The following FILIP1 variants were observed in gnomAD, a reference collection of about 807,000 sequenced individuals.
The protein encoded by FILIP1 is filamin-A-interacting protein 1.
FILIP1 carries 61 observed loss-of-function variants against 102.1 expected under a neutral mutation model. The observed-to-expected ratio is 0.60, with a 90% CI of 0.49 to 0.74. The LOEUF (loss-of-function observed/expected upper bound fraction) is 0.74, where lower values mean the gene tolerates loss of function less well. Ranked by LOEUF, FILIP1 falls within the 30% of genes least tolerant of loss-of-function variation. The pLI, the probability that FILIP1 is intolerant of heterozygous loss-of-function variation, is 0.00. For missense variants in FILIP1, 1,314 were observed against 1,441.2 expected (o/e 0.91, Z 1.43); for synonymous variants, 491 against 526.9 (o/e 0.93, Z 0.93).
intron 1 of FILIP1, among the ~76,000 whole-genome samples, chr6:75,484,516 C>A (rs1003189788): frequency 2.2e-4 from 33 of 152,204 alleles, no homozygotes; most frequent in African/African-American, 7.0e-4. Context: ...ATATTGGATG[C>A]GAATTAAAAT....
chr6:75,339,815 G>C (rs1402014099), intron 4 of FILIP1, among the ~76,000 whole-genome samples: 1 of 152,088 alleles, frequency 6.6e-6, no homozygotes, highest in South Asian at 2.1e-4. Flanking sequence ...AGGCACGGTG[G>C]TGGGCACCTG....
At chr6:75,433,787 G>C (rs1052055060) in intron 1 of FILIP1, among the ~76,000 whole-genome samples, 3 of 152,200 alleles carry the variant, frequency 2.0e-5, no homozygotes, top group Admixed American at 6.5e-5. Context: ...GAATGGTATT[G>C]CCTAGGTTTT....
rs1773553435 is a variant in FILIP1 at position 75,319,202 on chromosome 6, G to C, written c.630-4000C>G. ...TGATATGCAGCAATATCCTTTTCTT[G>C]TTTTTCCTTCAGCTTCGCAGCCTTC... On this transcript the variant is annotated intron_variant, in intron 4 of 5. Transcript: ENST00000237172. 3 of 759,236 alleles carry C rather than the reference G, an allele frequency of 4.0e-6. No individual in the cohort carries two copies. In the South Asian group the frequency reaches 4.1e-5, roughly 10 times the overall value. The allele number at this position is 759,236 out of a possible 1,614,324, so 47.0% of individuals were successfully genotyped here. A position where few individuals can be genotyped will look rare whatever the true frequency, so the allele number is the denominator to read the frequency against.
chr6:75,320,112 T>A (rs1773598985), intron 4 of FILIP1: 2 of 186,356 alleles, frequency 1.1e-5, no homozygotes, highest in Non-Finnish European at 2.2e-5. Context: ...AATGTCTGCC[T>A]ACCTCTGTTA....
chr6:75,419,299 T>A (rs1189974391), intron 1 of FILIP1, among the ~76,000 whole-genome samples: 2 of 152,130 alleles, frequency 1.3e-5, no homozygotes, highest in East Asian at 1.9e-4. Flanking sequence ...GTCAAAATAC[T>A]CCCCATCCCA....
intron 1 of FILIP1, among the ~76,000 whole-genome samples, chr6:75,445,137 A>C (rs1778404004): frequency 6.6e-6 from 1 of 152,078 alleles, no homozygotes; most frequent in African/African-American, 2.4e-5. Flanking sequence ...CTCTACCCTA[A>C]GTGCAGCCCC....
At chr6:75,481,296 T>C (rs1779644967) in intron 1 of FILIP1, among the ~76,000 whole-genome samples, 1 of 152,048 alleles carries the variant, frequency 6.6e-6, no homozygotes, top group Non-Finnish European at 1.5e-5. Flanking sequence ...GAAACACGAG[T>C]CTCAAAAAAT....
chr6:75,357,926 G>T (rs1198490372), intron 3 of FILIP1, among the ~76,000 whole-genome samples: 1 of 152,168 alleles, frequency 6.6e-6, no homozygotes, highest in Non-Finnish European at 1.5e-5. Context: ...ATGGCTTTTG[G>T]TTTTCAGGAT....
intron 4 of FILIP1, among the ~76,000 whole-genome samples, chr6:75,342,026 T>C (rs1774435671): frequency 6.6e-6 from 1 of 152,222 alleles, no homozygotes; most frequent in Non-Finnish European, 1.5e-5. Flanking sequence ...GATAGGTACT[T>C]GGTTATCTCC....
intron 1 of FILIP1, among the ~76,000 whole-genome samples, chr6:75,468,737 C>T (rs1490611661): frequency 1.3e-5 from 2 of 152,038 alleles, no homozygotes; most frequent in Admixed American, 1.3e-4. Flanking sequence ...ATTTAAGGTC[C>T]AACCAAGTTC....
chr6:75,362,802 G>C lies in FILIP1; in HGVS notation c.392C>G (p.Ala131Gly). 6.2e-7 allele frequency: 1 copy of C among 1,613,816 alleles called. No individual in the cohort carries two copies. Among genetic ancestry groups the C allele is most frequent in the Non-Finnish European group, 8.5e-7 (1 of 1,180,020 alleles). The change falls in exon 3 of 6, where the codon GCC (alanine) becomes GGC (glycine). Residue 131 changes from alanine (A) to glycine (G), a missense_variant. By Grantham distance (60) the Ala-to-Gly change is moderately conservative. Around this residue, in one of 3 missense-constraint regions of FILIP1, gnomAD observed 494 missense variants for 511.2 expected, o/e 0.97. Coordinates refer to ENST00000237172, the MANE Select transcript of FILIP1 (RefSeq NM_015687.5). The part of the protein sequence containing the change: ...EKVLRVLHRD[A>G]ILAQEKSIGE... Reference sequence around the variant, plus strand: ...TATGGATTTCTCCTGGGCAAGAATGGCATCTCGGTGCAGGACCCGCAGCAC... The same window carrying C: ...TATGGATTTCTCCTGGGCAAGAATGCCATCTCGGTGCAGGACCCGCAGCAC...
intron 5 of FILIP1, among the ~76,000 whole-genome samples, chr6:75,310,554 C>T (rs1335957768): frequency 6.6e-6 from 1 of 152,176 alleles, no homozygotes; most frequent in Non-Finnish European, 1.5e-5. Context: ...AAATCTTAGA[C>T]AGTTGCTTTG....
At position 75,370,085 on chromosome 6, in the gene FILIP1, C is replaced by T. The variant is rs7772125; in HGVS notation, c.277-7168G>A. ...ATGCTTATGGAAGAATGACACAGTT[C>T]CCAAGCACTATCGCTTCTTTGTATT... On this transcript the variant is annotated intron_variant, in intron 2 of 5. Transcript: ENST00000237172. Among the ~76,000 whole-genome samples, 1,100 of 152,320 alleles carry T rather than the reference C, an allele frequency of 7.2e-3. 11 individuals are homozygous for T. Among genetic ancestry groups the T allele is most frequent in the African/African-American group, 0.026 (1,060 of 41,568 alleles).
intron 2 of FILIP1, among the ~76,000 whole-genome samples, chr6:75,403,242 A>T (rs1776715861): frequency 6.6e-6 from 1 of 152,070 alleles, no homozygotes; most frequent in African/African-American, 2.4e-5. Context: ...GGCCAAGTGT[A>T]GTTGTTCATG....
intron 3 of FILIP1, among the ~76,000 whole-genome samples, chr6:75,355,087 G>A (rs576231393): frequency 2.6e-4 from 40 of 152,232 alleles, no homozygotes; most frequent in Non-Finnish European, 5.0e-4. Context: ...TTGAGGTTAG[G>A]AGTTCGAGAC....
intron 2 of FILIP1, chr6:75,386,224 G>A (rs1776091545): frequency 6.6e-6 from 1 of 152,196 alleles, no homozygotes; most frequent in Non-Finnish European, 1.5e-5. Context: ...TCATCTCCAA[G>A]CAAGTGGTCA....
chr6:75,293,322 A>G, exon 7 of FILIP1: 1 of 152,192 alleles, frequency 6.6e-6, no homozygotes, highest in Admixed American at 6.5e-5. Context: ...ATTGCCTGTG[A>G]GGGCAGTTTT....
intron 4 of FILIP1, among the ~76,000 whole-genome samples, chr6:75,352,174 C>T (rs1199774443): frequency 6.6e-6 from 1 of 152,192 alleles, no homozygotes; most frequent in African/African-American, 2.4e-5. Context: ...ATTGTGATAG[C>T]TTCTTCTCAC....
At chr6:75,325,017 T>C (rs759644745) in intron 4 of FILIP1, among the ~76,000 whole-genome samples, 45 of 152,202 alleles carry the variant, frequency 3.0e-4, no homozygotes, top group Non-Finnish European at 4.7e-4. Flanking sequence ...CTTCTAGACA[T>C]TGGCTTAGGC....
Sources: gnomAD v4.1 joint callset for allele counts (sites outside exome capture counted in the v4.1 genomes callset) on GRCh38, gnomAD v4.1.1 for gene constraint, gnomAD v4.1.1 regional missense constraint, MANE v1.5 for transcripts, NCBI Gene and HGNC (gene_info 2026-07-23, HGNC 2026-07-21) for gene names.